The following CNTN6 variants were observed in gnomAD, a reference collection of about 807,000 sequenced individuals.
The protein encoded by CNTN6 is contactin 6, also known as contactin-6.
A neutral mutation model predicts 122.8 loss-of-function variants in CNTN6; 137 were observed. The observed-to-expected ratio is 1.12, with a 90% confidence interval of 0.97 to 1.29. The LOEUF is 1.29. CNTN6 is among the 50% of genes most tolerant of loss of function. CNTN6 has a pLI of 0.00. For missense variants in CNTN6, 1,634 were observed against 1,223.4 expected (o/e 1.34, Z -5.01); for synonymous variants, 570 against 426.0 (o/e 1.34, Z -4.16).
In CNTN6 at chr3:1,153,882, T is replaced by G. The variant is rs570932535; in HGVS notation, c.55+5819T>G. 3.3e-5 allele frequency among the ~76,000 whole-genome samples: 5 copies of G among 152,302 alleles called. No individual in the cohort carries two copies. The South Asian group carries it at 1.0e-3, about 32-fold the overall frequency. ...GCTCAAGGATCCCAGAAGCACATAC[T>G]GGATATTCCTTTGGGTCAGAGTGTG... On this transcript the variant is annotated intron_variant, in intron 2 of 22. Coordinates refer to ENST00000446702, the MANE Select transcript of CNTN6 (RefSeq NM_001289080.2).
At chr3:1,298,758 G>T (rs1371263851) in intron 7 of CNTN6, among the ~76,000 whole-genome samples, 3 of 152,096 alleles carry the variant, frequency 2.0e-5, no homozygotes, top group Non-Finnish European at 4.4e-5. Flanking sequence ...GACTCTAGAG[G>T]TCTAGGGTGA....
chr3:1,271,613 G>C (rs1461224137), intron 4 of CNTN6, among the ~76,000 whole-genome samples: 2 of 152,078 alleles, frequency 1.3e-5, no homozygotes, highest in Non-Finnish European at 2.9e-5. Context: ...GAGATGTAAG[G>C]GTGGAGATAA....
At chr3:1,329,191 A>G (rs1476525502) in intron 10 of CNTN6, among the ~76,000 whole-genome samples, 1 of 151,224 alleles carries the variant, frequency 6.6e-6, no homozygotes, top group South Asian at 2.1e-4. Context: ...ACACATACAT[A>G]TATACATGTA....
intron 1 of CNTN6, among the ~76,000 whole-genome samples, chr3:1,103,017 A>AAT (rs1251125840): frequency 6.6e-6 from 1 of 151,056 alleles, no homozygotes; most frequent in African/African-American, 2.4e-5. Flanking sequence ...GAGGCAGGAG[A>AAT]ATGGCGGGAA....
chr3:1,108,036 T>C (rs1486366995), intron 1 of CNTN6, among the ~76,000 whole-genome samples: 1 of 151,998 alleles, frequency 6.6e-6, no homozygotes, highest in African/African-American at 2.4e-5. Context: ...ATGCAGAAAA[T>C]TACCCTAGAC....
At chr3:1,329,371 A>G (rs981202535) in intron 10 of CNTN6, among the ~76,000 whole-genome samples, 3 of 151,622 alleles carry the variant, frequency 2.0e-5, no homozygotes, top group South Asian at 2.1e-4. Context: ...TTTTGAAACC[A>G]TCTTCATCCT....
intron 7 of CNTN6, among the ~76,000 whole-genome samples, chr3:1,302,464 G>A (rs1289238940): frequency 6.6e-6 from 1 of 152,054 alleles, no homozygotes; most frequent in Non-Finnish European, 1.5e-5. Context: ...AGACTAAGAT[G>A]TATATATTTT....
At chr3:1,144,422 A>G (rs2092680179) in intron 1 of CNTN6, among the ~76,000 whole-genome samples, 2 of 151,896 alleles carry the variant, frequency 1.3e-5, no homozygotes, top group African/African-American at 2.4e-5. Flanking sequence ...CTAAAAATAC[A>G]AAATTAGCCA....
chr3:1,144,588 T>A (rs537769690), intron 1 of CNTN6, among the ~76,000 whole-genome samples: 3,045 of 122,284 alleles, frequency 0.025, 114 homozygotes, highest in African/African-American at 0.094. Context: ...TAAAAAATAA[T>A]AATAATAAAA....
chr3:1,241,209 T>C (rs1242108896), intron 4 of CNTN6, among the ~76,000 whole-genome samples: 3 of 152,146 alleles, frequency 2.0e-5, no homozygotes, highest in Non-Finnish European at 4.4e-5. Flanking sequence ...GGGGATGCGA[T>C]GGCCTGGCCT....
intron 2 of CNTN6, among the ~76,000 whole-genome samples, chr3:1,214,692 A>G (rs2094105152): frequency 6.6e-6 from 1 of 152,002 alleles, no homozygotes; most frequent in Admixed American, 6.6e-5. Flanking sequence ...ACTTTTCTTC[A>G]TTGACTTCTG....
chr3:1,173,040 A>C (rs537845387), intron 2 of CNTN6, among the ~76,000 whole-genome samples: 1 of 152,144 alleles, frequency 6.6e-6, no homozygotes, highest in African/African-American at 2.4e-5. Context: ...AGCACTATTT[A>C]TATCACACCA....
At chr3:1,142,968 G>GTATATATATATATATA (rs3043051) in intron 1 of CNTN6, among the ~76,000 whole-genome samples, 52 of 128,624 alleles carry the variant, frequency 4.0e-4, no homozygotes, top group African/African-American at 1.3e-3. Flanking sequence ...GTGTGTGTGT[G>GTATATATATATATATA]TATATATATA....
At chr3:1,171,185 A>T (rs1575108780) in intron 2 of CNTN6, among the ~76,000 whole-genome samples, 1 of 152,174 alleles carries the variant, frequency 6.6e-6, no homozygotes, top group Non-Finnish European at 1.5e-5. Context: ...TGAGCTAAAT[A>T]TTCAATGTTA....
At chr3:1,240,887 G>A (rs549439047) in intron 4 of CNTN6, among the ~76,000 whole-genome samples, 3 of 152,162 alleles carry the variant, frequency 2.0e-5, no homozygotes, top group Non-Finnish European at 4.4e-5. Context: ...GGAGATAGGG[G>A]TGGGGCTGTT....
chr3:1,148,676 A>G (rs2092774636), intron 2 of CNTN6, among the ~76,000 whole-genome samples: 1 of 152,212 alleles, frequency 6.6e-6, no homozygotes, highest in Non-Finnish European at 1.5e-5. Flanking sequence ...GTAATAAGCC[A>G]CGCCAAATGT....
At chr3:1,296,636 T>C (rs749451683) in intron 6 of CNTN6, among the ~76,000 whole-genome samples, 7 of 152,160 alleles carry the variant, frequency 4.6e-5, no homozygotes, top group Non-Finnish European at 7.4e-5. Flanking sequence ...TAATGAAGCA[T>C]AACAGAATTG....
At chr3:1,389,922 G>C (rs1233452416) in intron 20 of CNTN6, among the ~76,000 whole-genome samples, 1 of 150,916 alleles carries the variant, frequency 6.6e-6, no homozygotes, top group Non-Finnish European at 1.5e-5. Flanking sequence ...AGTCCTGAGT[G>C]ACCTACAAAG....
chr3:1,268,672 CT>C (rs1322029599), intron 4 of CNTN6, among the ~76,000 whole-genome samples: 2 of 150,960 alleles, frequency 1.3e-5, no homozygotes, highest in Non-Finnish European at 2.9e-5. Context: ...ATATTTTTGA[CT>C]TTAGGTCTCC....
Sources: gnomAD v4.1 joint callset for allele counts (sites outside exome capture counted in the v4.1 genomes callset) on GRCh38, gnomAD v4.1.1 for gene constraint, MANE v1.5 for transcripts, NCBI Gene and HGNC (gene_info 2026-07-23, HGNC 2026-07-21) for gene names.